TAF4: variants seen among roughly 807,000 people sequenced by gnomAD.
TAF4 encodes TATA-box binding protein associated factor 4, also known as transcription initiation factor TFIID subunit 4.
Under a neutral mutation model 90.3 loss-of-function variants are expected in TAF4, and 9 were observed. That is an observed-to-expected ratio of 0.10 (90% CI 0.06 to 0.17). The LOEUF (loss-of-function observed/expected upper bound fraction) is 0.17, where lower values mean the gene tolerates loss of function less well. Among genes scored for constraint, TAF4 ranks in the 10% least tolerant of loss-of-function variants. The pLI is 1.00. For synonymous variants in TAF4, 818 were observed against 638.9 expected (o/e 1.28, Z -4.23); for missense variants, 1,351 against 1,370.7 (o/e 0.99, Z 0.23).
chr20:62,054,272 C>T (rs775217312), intron 1 of TAF4, among the ~76,000 whole-genome samples: 2 of 152,086 alleles, frequency 1.3e-5, no homozygotes, highest in African/African-American at 4.8e-5. Context: ...TAAGGGGCCA[C>T]GGGGTTTTGG....
chr20:62,035,622 G>A (rs1420407875), intron 1 of TAF4, among the ~76,000 whole-genome samples: 1 of 152,170 alleles, frequency 6.6e-6, no homozygotes, highest in East Asian at 1.9e-4. Context: ...AAATACAGAA[G>A]ACTATTCCTA....
chr20:62,016,879 C>A (rs1330722436), intron 1 of TAF4, among the ~76,000 whole-genome samples: 1 of 152,160 alleles, frequency 6.6e-6, no homozygotes, highest in Non-Finnish European at 1.5e-5. Context: ...GTGGCTCACA[C>A]CTGAAATCCA....
chr20:62,059,051 T>C (rs149016579), intron 1 of TAF4, among the ~76,000 whole-genome samples: 18 of 152,298 alleles, frequency 1.2e-4, no homozygotes, highest in Non-Finnish European at 2.2e-4. Flanking sequence ...TGTCCCCACA[T>C]GCGGCTCCCA....
chr20:62,044,873 A>G (rs1030082008), intron 1 of TAF4, among the ~76,000 whole-genome samples: 4 of 152,214 alleles, frequency 2.6e-5, no homozygotes, highest in African/African-American at 9.7e-5. Flanking sequence ...GGCCTGGGAC[A>G]GGAAATACAG....
At chr20:62,061,020 T>C (rs1294113742) in intron 1 of TAF4, among the ~76,000 whole-genome samples, 1 of 152,210 alleles carries the variant, frequency 6.6e-6, no homozygotes. Flanking sequence ...GCAACCCCAC[T>C]TTACAGCTGG....
chr20:62,022,559 C>T (rs112240987), intron 1 of TAF4, among the ~76,000 whole-genome samples: 1 of 152,300 alleles, frequency 6.6e-6, no homozygotes, highest in Non-Finnish European at 1.5e-5. Flanking sequence ...ACAGAACACA[C>T]GTGGTGATGG....
At chr20:62,035,326 T>G (rs2055926416) in intron 1 of TAF4, among the ~76,000 whole-genome samples, 1 of 152,182 alleles carries the variant, frequency 6.6e-6, no homozygotes. Context: ...GGAGCTAAAT[T>G]ATTTAAGGAC....
intron 1 of TAF4, among the ~76,000 whole-genome samples, chr20:62,054,515 C>T (rs1367132864): frequency 2.0e-5 from 3 of 152,196 alleles, no homozygotes; most frequent in Non-Finnish European, 4.4e-5. Flanking sequence ...TGCTACTCCA[C>T]CACATAAGGC....
chr20:62,032,147 A>AC (rs2055907994), intron 1 of TAF4, among the ~76,000 whole-genome samples: 1 of 152,190 alleles, frequency 6.6e-6, no homozygotes, highest in African/African-American at 2.4e-5. Flanking sequence ...AAAAACAGTT[A>AC]GTGAAGTCAC....
In TAF4 at chr20:62,010,241, A is replaced by G; in HGVS notation, c.1642-76T>C. The G allele has an allele frequency of 1.9e-6, 3 of 1,602,544 alleles. No homozygotes were observed. The highest frequency in any genetic ancestry group is 2.6e-6 in the Non-Finnish European group (3 of 1,174,878). ...CGAGGGGGAGACCAGCCTCACGCCC[A>G]GCAAAAGAAAACAAGCCTCCCTGCG... On this transcript the variant is annotated intron_variant, in intron 3 of 14. Coordinates refer to ENST00000252996, the MANE Select transcript of TAF4 (RefSeq NM_003185.4). This position sits in a 1 kb window ranked among gnomAD's most constrained non-coding sequence, Gnocchi z 4.5.
At chr20:62,044,811 C>T (rs1370352458) in intron 1 of TAF4, among the ~76,000 whole-genome samples, 1 of 152,178 alleles carries the variant, frequency 6.6e-6, no homozygotes, top group Admixed American at 6.5e-5. Flanking sequence ...CGAAACTGCT[C>T]GAGAGTCATT....
In TAF4 at chr20:62,014,673, C is replaced by T. The variant is rs2055803015; in HGVS notation, c.1395G>A (p.Leu465=). Residue 465 remains leucine (L), a synonymous_variant, in exon 2 of 15, where the codon TTG becomes TTA. Transcript: ENST00000252996. ...MVLVRSENGQ[L]LMIPQQALAQ... ...CCAAGGCCTGCTGAGGAATCATTAA[C>T]AACTGCCCATTCTCACTTCGGACGA... The T allele has an allele frequency of 1.2e-6, 2 of 1,614,004 alleles. No homozygotes were observed. The highest frequency in any genetic ancestry group is 8.5e-7 in the Non-Finnish European group (1 of 1,180,000).
chr20:62,060,530 G>A (rs532096230), intron 1 of TAF4, among the ~76,000 whole-genome samples: 3 of 152,266 alleles, frequency 2.0e-5, no homozygotes, highest in South Asian at 2.1e-4. Context: ...CGATGGTGAC[G>A]ACCCCAGCCG....
In TAF4 at chr20:61,998,230, G is replaced by A. The variant is rs28382119; in HGVS notation, c.2914-38C>T. On this transcript the variant is annotated intron_variant, in intron 12 of 14. Coordinates refer to ENST00000252996, the MANE Select transcript of TAF4 (RefSeq NM_003185.4). ...GAGGCAGAAAAGAAAAGTAAGTTATGAACTAAATGTTTATCATTTAACAAA... is the reference window on the plus strand; with the variant it reads ...GAGGCAGAAAAGAAAAGTAAGTTATAAACTAAATGTTTATCATTTAACAAA... 2.9e-3 allele frequency: 4,547 copies of A among 1,589,870 alleles called. 112 individuals are homozygous for A. In the African/African-American group the frequency reaches 0.053, roughly 18 times the overall value.
intron 14 of TAF4, among the ~76,000 whole-genome samples, chr20:61,982,810 G>A (rs1173743670): frequency 6.6e-6 from 1 of 152,244 alleles, no homozygotes; most frequent in African/African-American, 2.4e-5. Context: ...GCCGACGGCA[G>A]GGCTGCCGGG....
At chr20:62,011,756 A>G (rs1382022523) in intron 3 of TAF4, among the ~76,000 whole-genome samples, 2 of 152,226 alleles carry the variant, frequency 1.3e-5, no homozygotes, top group Non-Finnish European at 2.9e-5. Flanking sequence ...CACTGAGGCA[A>G]GGACTCTGGA....
At chr20:62,055,587 G>C (rs1390857103) in intron 1 of TAF4, among the ~76,000 whole-genome samples, 3 of 152,178 alleles carry the variant, frequency 2.0e-5, no homozygotes, top group Non-Finnish European at 4.4e-5. Context: ...CTGTGTACAG[G>C]CAGCCCTACA....
intron 1 of TAF4, among the ~76,000 whole-genome samples, chr20:62,029,469 C>T (rs2145491733): frequency 7.3e-6 from 1 of 136,370 alleles, no homozygotes; most frequent in South Asian, 2.5e-4. Context: ...GGGCCCAGTG[C>T]CCACGTGCGC....
At chr20:62,004,021 C>T (rs577107484) in intron 7 of TAF4, 143 bp from the exon 8 acceptor site, 26 of 1,048,538 alleles carry the variant, frequency 2.5e-5, no homozygotes, top group Admixed American at 1.4e-4. Context: ...GTGTGCAGCT[C>T]AGCCCCAGCA....
Sources: gnomAD v4.1 joint callset for allele counts (sites outside exome capture counted in the v4.1 genomes callset) on GRCh38, gnomAD v4.1.1 for gene constraint, Gnocchi (gnomAD v3.1) non-coding constraint, MANE v1.5 for transcripts, NCBI Gene and HGNC (gene_info 2026-07-23, HGNC 2026-07-21) for gene names.